Variants in LRRC8D observed in about 807,000 individuals in gnomAD.
LRRC8D encodes the protein volume-regulated anion channel subunit LRRC8D.
In LRRC8D, 20 loss-of-function variants were observed where a neutral mutation model predicts 55.8. The ratio of observed to expected loss-of-function variants is 0.36; its 90% CI spans 0.25 to 0.52. The LOEUF is 0.52. LRRC8D is among the 20% of genes least tolerant of loss of function. The pLI is 0.93. For missense variants in LRRC8D, 651 were observed against 1,030.8 expected (o/e 0.63, Z 5.05); for synonymous variants, 352 against 377.0 (o/e 0.93, Z 0.77).
intron 2 of LRRC8D, among the ~76,000 whole-genome samples, chr1:89,915,153 T>A (rs770604722): frequency 1.3e-5 from 2 of 152,270 alleles, no homozygotes; most frequent in African/African-American, 2.4e-5. Context: ...CAACACAGAT[T>A]TGGTAAAGTC....
intron 2 of LRRC8D, among the ~76,000 whole-genome samples, chr1:89,862,752 C>CT (rs773203705): frequency 2.0e-5 from 3 of 152,052 alleles, no homozygotes; most frequent in Middle Eastern, 3.4e-3. Flanking sequence ...TAATTGCTGT[C>CT]TTTTTTTTAC....
chr1:89,830,193 A>G (rs1660854552), intron 1 of LRRC8D, among the ~76,000 whole-genome samples: 1 of 152,130 alleles, frequency 6.6e-6, no homozygotes. Context: ...CTCAAGTATA[A>G]TCTCTTTGCT....
At chr1:89,860,753 T>G (rs1275549813) in intron 2 of LRRC8D, among the ~76,000 whole-genome samples, 1 of 16,862 alleles carries the variant, frequency 5.9e-5, no homozygotes, top group African/African-American at 4.3e-4. Flanking sequence ...CAAGACTCTA[T>G]CTCAAAAAAA....
At chr1:89,899,641 G>C (rs1171344468) in intron 2 of LRRC8D, among the ~76,000 whole-genome samples, 1 of 152,192 alleles carries the variant, frequency 6.6e-6, no homozygotes, top group Non-Finnish European at 1.5e-5. Flanking sequence ...TTGTGCATCT[G>C]TTCTTCAGTT....
chr1:89,892,600 G>A (rs958313045), intron 2 of LRRC8D, among the ~76,000 whole-genome samples: 14 of 151,982 alleles, frequency 9.2e-5, no homozygotes, highest in African/African-American at 3.4e-4. Context: ...CTCACTGCAA[G>A]CTCCGCCTCC....
intron 2 of LRRC8D, among the ~76,000 whole-genome samples, chr1:89,929,085 G>A (rs988714190): frequency 1.3e-5 from 2 of 152,198 alleles, no homozygotes; most frequent in Non-Finnish European, 2.9e-5. Flanking sequence ...TGGATACATA[G>A]GACAAAGAAG....
intron 2 of LRRC8D, among the ~76,000 whole-genome samples, chr1:89,893,974 A>G (rs1324744207): frequency 1.3e-5 from 2 of 152,246 alleles, no homozygotes; most frequent in Non-Finnish European, 2.9e-5. Flanking sequence ...GGCTCTTGTT[A>G]TGGACTAAGT....
chr1:89,840,997 A>C (rs998598646), intron 1 of LRRC8D, among the ~76,000 whole-genome samples: 1 of 152,198 alleles, frequency 6.6e-6, no homozygotes, highest in Non-Finnish European at 1.5e-5. Flanking sequence ...TTCTAGCTAA[A>C]TGCCCTGCTT....
intron 2 of LRRC8D, among the ~76,000 whole-genome samples, chr1:89,872,884 T>C (rs1270377490): frequency 6.6e-6 from 1 of 152,206 alleles, no homozygotes; most frequent in East Asian, 1.9e-4. Flanking sequence ...ACTCTTAATA[T>C]TTTGCTTAAT....
intron 1 of LRRC8D, among the ~76,000 whole-genome samples, chr1:89,839,486 AT>A (rs1002178244): frequency 6.1e-4 from 93 of 151,744 alleles, no homozygotes; most frequent in African/African-American, 1.8e-3. Flanking sequence ...TTACAGGCAT[AT>A]TTTTTTTTAA....
intron 2 of LRRC8D, among the ~76,000 whole-genome samples, chr1:89,907,849 A>G (rs1299205093): frequency 6.6e-6 from 1 of 152,294 alleles, no homozygotes; most frequent in Middle Eastern, 3.4e-3. Context: ...AGATTGAACC[A>G]GGTCTAATTT....
intron 2 of LRRC8D, among the ~76,000 whole-genome samples, chr1:89,901,119 A>G (rs1349070849): frequency 6.6e-6 from 1 of 151,974 alleles, no homozygotes; most frequent in Non-Finnish European, 1.5e-5. Context: ...CAGAGTGACA[A>G]CCTCTTCTCT....
chr1:89,866,052 T>A (rs746298597), intron 2 of LRRC8D, among the ~76,000 whole-genome samples: 1 of 152,252 alleles, frequency 6.6e-6, no homozygotes, highest in African/African-American at 2.4e-5. Context: ...ACCTTTGCTC[T>A]ACAATACCTG....
chr1:89,850,575 A>C (rs188778142), intron 2 of LRRC8D, among the ~76,000 whole-genome samples: 1 of 152,206 alleles, frequency 6.6e-6, no homozygotes, highest in Non-Finnish European at 1.5e-5. Context: ...CTCCCACTCC[A>C]TGCAAGTCCC....
At chr1:89,924,874 T>A (rs1663517414) in intron 2 of LRRC8D, among the ~76,000 whole-genome samples, 2 of 151,964 alleles carry the variant, frequency 1.3e-5, no homozygotes, top group African/African-American at 4.8e-5. Context: ...TGAATACACA[T>A]GGATACAAAG....
chr1:89,847,717 C>T (rs986418093), intron 2 of LRRC8D, among the ~76,000 whole-genome samples: 1 of 152,108 alleles, frequency 6.6e-6, no homozygotes, highest in Non-Finnish European at 1.5e-5. Context: ...GCTCCTGACA[C>T]CAAAATCAGG....
chr1:89,842,962 GGAACCGAGGATACTATGTA>G (rs561455410), intron 1 of LRRC8D: 90 of 152,354 alleles, frequency 5.9e-4, no homozygotes, highest in African/African-American at 2.1e-3. Flanking sequence ...GACCCTAGGA[GGAACCGAGGATACTATGTA>G]GTTTTGTTGT....
chr1:89,920,890 T>C (rs139951534), intron 2 of LRRC8D, among the ~76,000 whole-genome samples: 1 of 152,280 alleles, frequency 6.6e-6, no homozygotes, highest in African/African-American at 2.4e-5. Flanking sequence ...ATGGTGTAGC[T>C]CATTATAAAC....
At chr1:89,824,619 C>T (rs1358423876) in intron 1 of LRRC8D, among the ~76,000 whole-genome samples, 1 of 151,830 alleles carries the variant, frequency 6.6e-6, no homozygotes. Context: ...CAATGATTTT[C>T]TTCTTTTGGA....
Sources: gnomAD v4.1 joint callset for allele counts (sites outside exome capture counted in the v4.1 genomes callset) on GRCh38, gnomAD v4.1.1 for gene constraint, MANE v1.5 for transcripts, NCBI Gene and HGNC (gene_info 2026-07-23, HGNC 2026-07-21) for gene names.